Variants in LEMD1 observed in about 807,000 individuals in gnomAD.
The protein encoded by LEMD1 is LEM domain containing 1.
In LEMD1, 18 loss-of-function variants were observed where a neutral mutation model predicts 17.4. The observed-to-expected ratio is 1.04, with a 90% CI of 0.72 to 1.54. The LOEUF (loss-of-function observed/expected upper bound fraction) is 1.54, where lower values mean the gene tolerates loss of function less well. LEMD1 is among the 40% of genes most tolerant of loss of function. LEMD1 has a pLI of 0.00. For synonymous variants in LEMD1, 88 were observed against 77.8 expected (o/e 1.13, Z -0.69); for missense variants, 195 against 210.4 (o/e 0.93, Z 0.45).
chr1:205,412,287 A>G (rs562832840), intron 4 of LEMD1, among the ~76,000 whole-genome samples: 2 of 152,310 alleles, frequency 1.3e-5, no homozygotes, highest in African/African-American at 4.8e-5. Flanking sequence ...TATTGGTAAC[A>G]TAAGCTGTGC....
At chr1:205,445,834 TGTCAAACTTTC>T (rs1666380205) in intron 1 of LEMD1, among the ~76,000 whole-genome samples, 1 of 152,160 alleles carries the variant, frequency 6.6e-6, no homozygotes, top group Admixed American at 6.5e-5. Context: ...CAAACTTTAG[TGTCAAACTTTC>T]GAAAGATGGG....
intron 1 of LEMD1, among the ~76,000 whole-genome samples, chr1:205,447,071 C>T (rs2102474038): frequency 6.6e-6 from 1 of 152,322 alleles, no homozygotes; most frequent in South Asian, 2.1e-4. Context: ...TACAGCACTC[C>T]CTGGTTTTCA....
chr1:205,394,367 T>TTTAATTAA (rs139263580), intron 4 of LEMD1, among the ~76,000 whole-genome samples: 280 of 149,740 alleles, frequency 1.9e-3, no homozygotes, highest in Admixed American at 3.9e-3. Context: ...TATTTGTTTA[T>TTTAATTAA]TTAATTAATT....
intron 1 of LEMD1, chr1:205,437,899 A>G (rs968006703): frequency 6.6e-5 from 10 of 152,196 alleles, no homozygotes; most frequent in African/African-American, 2.2e-4. Flanking sequence ...CTTCATGTGT[A>G]TTTCAGTTAG....
At chr1:205,442,148 C>T (rs1049035957) in intron 1 of LEMD1, among the ~76,000 whole-genome samples, 1 of 152,158 alleles carries the variant, frequency 6.6e-6, no homozygotes, top group Non-Finnish European at 1.5e-5. Flanking sequence ...AAGCGCCCTG[C>T]GTGGAGGTCA....
chr1:205,389,199 C>CCA (rs1558708179), intron 4 of LEMD1, among the ~76,000 whole-genome samples: 2 of 151,834 alleles, frequency 1.3e-5, no homozygotes, highest in African/African-American at 4.8e-5. Context: ...CAGGTGCATG[C>CCA]CACCATGCCT....
rs1459810162 is a variant in LEMD1 at position 205,402,217 on chromosome 1, C to T, written c.270+14015G>A. Among the ~76,000 whole-genome samples, 6 of 152,114 alleles carry T rather than the reference C, an allele frequency of 3.9e-5. No individual in the cohort carries two copies. In the South Asian group the frequency reaches 6.2e-4, roughly 16 times the overall value. ...TTTTGGTTCCATATGAACTTTAAAG[C>T]AGTTTTTTCCAATTCTGTGAAGAAA... On this transcript the variant is annotated intron_variant, in intron 4 of 5. Transcript: ENST00000367153.
At chr1:205,388,089 C>T (rs1664126598) in intron 4 of LEMD1, among the ~76,000 whole-genome samples, 2 of 152,216 alleles carry the variant, frequency 1.3e-5, no homozygotes, top group Admixed American at 1.3e-4. Context: ...AGTCCCTGCC[C>T]ATAATCACCA....
chr1:205,413,212 C>A (rs918724625), intron 4 of LEMD1, among the ~76,000 whole-genome samples: 1 of 152,180 alleles, frequency 6.6e-6, no homozygotes. Context: ...GTGAGGTGAG[C>A]TTTGAACTCC....
chr1:205,411,551 G>A (rs1175028536), intron 4 of LEMD1, among the ~76,000 whole-genome samples: 5 of 123,816 alleles, frequency 4.0e-5, no homozygotes, highest in South Asian at 3.0e-4. Flanking sequence ...GTGAGACTCC[G>A]TCTCAAAAAA....
At chr1:205,426,429 T>C (rs1160628823), upstream of LEMD1, among the ~76,000 whole-genome samples, 1 of 151,996 alleles carries the variant, frequency 6.6e-6, no homozygotes, top group African/African-American at 2.4e-5. Context: ...CAAATACCAA[T>C]AGAGTGGTAG....
intron 3 of LEMD1, 140 bp from the exon 4 acceptor site, chr1:205,416,436 A>G: frequency 1.6e-6 from 1 of 628,558 alleles, no homozygotes; most frequent in Non-Finnish European, 2.8e-6. Context: ...GGCTCTTCTG[A>G]CGGAAGAGAA....
chr1:205,425,687 A>C (rs1050958694), upstream of LEMD1, among the ~76,000 whole-genome samples: 2 of 152,202 alleles, frequency 1.3e-5, no homozygotes, highest in African/African-American at 4.8e-5. Context: ...ACTCAAATGC[A>C]GTGAAGGTTC....
rs528538523 is a variant in LEMD1, at chr1:205,381,748, G to C, written c.456C>G (p.Phe152Leu). ...QTIESWREEG[F>L]PVGLKLAVLG... is the part of the protein sequence containing the mutation. ...GCACAGCAAGCTTCAAGCCCACTGG[G>C]AAACCTTCTTCTCTCCAGCTCTCGA... The change falls in exon 6 of 6, where the codon TTC (phenylalanine) becomes TTG (leucine). Residue 152 changes from phenylalanine (F) to leucine (L), a missense_variant. Coordinates refer to ENST00000367153, the MANE Select transcript of LEMD1 (RefSeq NM_001199050.2). The C allele has an allele frequency of 3.7e-6, 6 of 1,614,088 alleles. No homozygotes were observed. The highest frequency in any genetic ancestry group is 1.6e-4 in the Middle Eastern group (1 of 6,084).
At chr1:205,399,213 TAA>T (rs36083021) in intron 4 of LEMD1, among the ~76,000 whole-genome samples, 1 of 142,364 alleles carries the variant, frequency 7.0e-6, no homozygotes, top group Non-Finnish European at 1.5e-5. Context: ...AGACTCCATC[TAA>T]AAAAAAAAAA....
intron 3 of LEMD1, among the ~76,000 whole-genome samples, chr1:205,418,912 A>G (rs1665824482): frequency 6.6e-6 from 1 of 152,218 alleles, no homozygotes; most frequent in African/African-American, 2.4e-5. Context: ...TCCTCAAAGG[A>G]GGCCCAGAAT....
chr1:205,430,507 G>A lies in LEMD1; in HGVS notation c.-38-9933C>T, dbSNP rs367950956. On this transcript the variant is annotated intron_variant, in intron 1 of 3. Transcript: ENST00000367154. ...AACCAAAGTCATCCAGAGGAGGTAA[G>A]AACAAGACAGATCTTCCTCCTGGAA... is the stretch of plus-strand genomic sequence containing the variant. 4.6e-5 allele frequency among the ~76,000 whole-genome samples: 7 copies of A among 152,350 alleles called. No individual in the cohort carries two copies. In the East Asian group the frequency reaches 5.8e-4, roughly 13 times the overall value.
upstream of LEMD1, among the ~76,000 whole-genome samples, chr1:205,425,912 TTTCCTAGCAATTTTTG>T (rs67603792): frequency 0.57 from 86,700 of 151,994 alleles, 27,971 homozygotes; most frequent in East Asian, 0.88. Context: ...AGATGTGATT[TTTCCTAGCAATTTTTG>T]AAACTATGAT....
intron 1 of LEMD1, among the ~76,000 whole-genome samples, chr1:205,431,820 G>C (rs556489560): frequency 6.6e-6 from 1 of 152,248 alleles, no homozygotes; most frequent in East Asian, 1.9e-4. Flanking sequence ...GGGTTCAAGA[G>C]ATTCTCCTGC....
Sources: gnomAD v4.1 joint callset for allele counts (sites outside exome capture counted in the v4.1 genomes callset) on GRCh38, gnomAD v4.1.1 for gene constraint, MANE v1.5 for transcripts, NCBI Gene and HGNC (gene_info 2026-07-23, HGNC 2026-07-21) for gene names.